Variants in TNS2 observed in about 807,000 individuals in gnomAD.
The protein encoded by TNS2 is tensin-2.
TNS2 carries 77 observed loss-of-function variants against 155.7 expected under a neutral mutation model. The observed-to-expected ratio is 0.49, with a 90% CI of 0.41 to 0.60. The LOEUF (loss-of-function observed/expected upper bound fraction) is 0.60. Ranked by LOEUF, TNS2 falls within the 20% of genes least tolerant of loss-of-function variation. The pLI is 0.00. For missense variants in TNS2, 1,703 were observed against 1,868.8 expected, an observed-to-expected ratio of 0.91 and a Z score of 1.64; for synonymous variants, 726 against 763.9, an observed-to-expected ratio of 0.95 and a Z score of 0.82.
At position 53,064,106 on chromosome 12, in the gene TNS2, G is replaced by T; in HGVS notation, c.*224G>T. Reference sequence around the variant, plus strand: ...TGACCTTGCATGTGAGCAGATGGCAGAGATGGGTGTGTGAGGGGTGAGGAG... The same window carrying T: ...TGACCTTGCATGTGAGCAGATGGCATAGATGGGTGTGTGAGGGGTGAGGAG... On this transcript the variant is annotated 3_prime_UTR_variant, in exon 29 of 29. Coordinates refer to ENST00000314250, the MANE Select transcript of TNS2 (RefSeq NM_170754.4). 1 of 562,782 alleles carries T rather than the reference G, an allele frequency of 1.8e-6. No individual in the cohort carries two copies. Among genetic ancestry groups the T allele is most frequent in the Non-Finnish European group, 3.1e-6 (1 of 320,338 alleles). 34.9% of individuals were successfully genotyped at this position (562,782 alleles called of 1,614,324 possible).
At position 53,050,916 on chromosome 12, in the gene TNS2, GGGA is replaced by G. The variant is rs897162822; in HGVS notation, c.75+663_75+665del. Among the ~76,000 whole-genome samples, 8 of 152,222 alleles carry G rather than the reference GGGA, an allele frequency of 5.3e-5. No homozygotes were observed. Among genetic ancestry groups the G allele is most frequent in the African/African-American group, 1.9e-4 (8 of 41,544 alleles). On this transcript the variant is annotated intron_variant, in intron 1 of 28. Transcript: ENST00000314250. The surrounding 1 kb of genome is among the most constrained non-coding windows in gnomAD (Gnocchi z 4.7). The stretch of plus-strand genomic sequence containing the variant: ...TGAGATACTACTGTGATGGGTCCCC[GGGA>G]GGAGGACAGCAGGAGTCTGAACTCC...
At chr12:53,048,770 A>G (rs1406459199), upstream of TNS2, among the ~76,000 whole-genome samples, 2 of 152,194 alleles carry the variant, frequency 1.3e-5, no homozygotes, top group East Asian at 3.8e-4. Flanking sequence ...TCAAGTGGGC[A>G]CCCACAGCAG....
At position 53,061,259 on chromosome 12, in the gene TNS2, C is replaced by T. The variant is rs1379524977; in HGVS notation, c.3353C>T (p.Thr1118Ile). ...CTGCTCTCAGATAATGTCCCCCAAACCCCAGGTATAAAGGCCTTGAGGGGG... is the reference window on the plus strand; with the variant it reads ...CTGCTCTCAGATAATGTCCCCCAAATCCCAGGTATAAAGGCCTTGAGGGGG... ...APLLSDNVPQ[T>I]PEPPTQESQS... Residue 1118 changes from threonine to isoleucine, a missense_variant, in exon 20 of 29, where the codon ACC (threonine) becomes ATC (isoleucine). Physicochemically the swap from Thr to Ile is moderately conservative, Grantham distance 89. Transcript: ENST00000314250. 1.9e-6 allele frequency: 3 copies of T among 1,573,020 alleles called. No individual in the cohort carries two copies. Among genetic ancestry groups the T allele is most frequent in the Non-Finnish European group, 2.6e-6 (3 of 1,159,742 alleles).
Position 53,060,578 on chromosome 12 carries a change from C to T in TNS2, c.2768+23C>T. On this transcript the variant is annotated intron_variant, in intron 19 of 28. Transcript: ENST00000314250. The surrounding 1 kb of genome is among the most constrained non-coding windows in gnomAD (Gnocchi z 6.1). ...AAGGTATGCAGAGGGGCCGGGGATG[C>T]TCGAGTGCTTTCTTGTCCAAGCAGT... is the stretch of plus-strand genomic sequence containing the variant. 1 of 1,608,122 alleles carries T rather than the reference C, an allele frequency of 6.2e-7. No individual in the cohort carries two copies. Among genetic ancestry groups the T allele is most frequent in the Non-Finnish European group, 8.5e-7 (1 of 1,176,716 alleles).
In TNS2 at chr12:53,062,135, C is replaced by T; in HGVS notation, c.3575-18C>T. ...CCTGGAATCCTAAAGCCGCAATCTT[C>T]CCCTCGCCTCCTCTCAGGGGACCCC... On this transcript the variant is annotated intron_variant, in intron 22 of 28. Transcript: ENST00000314250. 6.2e-7 allele frequency: 1 copy of T among 1,613,784 alleles called. No homozygotes were observed. Among genetic ancestry groups the T allele is most frequent in the Non-Finnish European group, 8.5e-7 (1 of 1,179,850 alleles).
chr12:53,063,522 TC>T lies in TNS2; in HGVS notation c.4062-37del, dbSNP rs141986834. On this transcript the variant is annotated intron_variant, in intron 27 of 28. Coordinates refer to ENST00000314250, the MANE Select transcript of TNS2 (RefSeq NM_170754.4). The surrounding 1 kb of genome is among the most constrained non-coding windows in gnomAD (Gnocchi z 5.6). Reference sequence around the variant, plus strand: ...GGCCCCGGCCCCCCTTCAGCAGCTGTCCCCTGGGGTGTGCATCTTCACCTTC... The same window carrying T: ...GGCCCCGGCCCCCCTTCAGCAGCTGTCCCTGGGGTGTGCATCTTCACCTTC... 3.4e-4 allele frequency: 539 copies of T among 1,597,614 alleles called. No individual in the cohort carries two copies. In the African/African-American group the frequency reaches 6.5e-3, roughly 19 times the overall value.
chr12:53,057,649 C>G lies in TNS2; in HGVS notation c.928C>G (p.Pro310Ala). 1 of 1,614,156 alleles carries G rather than the reference C, an allele frequency of 6.2e-7. No homozygotes were observed. Among genetic ancestry groups the G allele is most frequent in the Non-Finnish European group, 8.5e-7 (1 of 1,179,996 alleles). Residue 310 changes from proline to alanine, a missense_variant, in exon 12 of 29, where the codon CCC becomes GCC. By Grantham distance (27) the Pro-to-Ala change is conservative. Coordinates refer to ENST00000314250, the MANE Select transcript of TNS2 (RefSeq NM_170754.4). The part of the protein sequence containing the change: ...SPLFLHYVLI[P>A]MLPAFEPGTG... The stretch of plus-strand genomic sequence containing the variant: ...TCTCTTCCTGCACTATGTGCTCATC[C>G]CCATGCTGCCAGCCTTTGAACCTGG...
intron 21 of TNS2, 63 bp from the exon 22 acceptor site, chr12:53,061,752 C>T: frequency 4.5e-6 from 7 of 1,562,768 alleles, no homozygotes; most frequent in African/African-American, 1.4e-5. Context: ...AGGGGGGCTG[C>T]ATGGGGCTCA....
upstream of TNS2, chr12:53,049,971 A>C (rs189427367): frequency 3.9e-3 from 3,525 of 905,138 alleles, 13 homozygotes; most frequent in Non-Finnish European, 4.9e-3. Flanking sequence ...CCTCCCCCAC[A>C]TCCTCCCCCC....
Position 53,060,559 on chromosome 12 carries a change from T to C in TNS2, c.2768+4T>C, listed in dbSNP as rs1244523598. The C allele has an allele frequency of 3.1e-6, 5 of 1,612,882 alleles. No individual in the cohort carries two copies. Among genetic ancestry groups the C allele is most frequent in the African/African-American group, 1.3e-5 (1 of 74,872 alleles). ...GTCCAGTCCAGGGCAAGGAAAGGTA[T>C]GCAGAGGGGCCGGGGATGCTCGAGT... On this transcript the variant is annotated splice_donor_region_variant and intron_variant, in intron 19 of 28. Transcript: ENST00000314250. The surrounding 1 kb of genome is among the most constrained non-coding windows in gnomAD (Gnocchi z 6.1).
At chr12:53,054,829 C>T (rs550544711) in intron 7 of TNS2, among the ~76,000 whole-genome samples, 1 of 150,044 alleles carries the variant, frequency 6.7e-6, no homozygotes, top group South Asian at 2.1e-4. Flanking sequence ...GCGTCACTCA[C>T]GCCCAGCCAA....
At chr12:53,046,991 A>C, upstream of TNS2, 1 of 151,796 alleles carries the variant, frequency 6.6e-6, no homozygotes, top group Non-Finnish European at 1.5e-5. Context: ...CCTCTCAGCC[A>C]CTTCCTGTCT....
intron 3 of TNS2, among the ~76,000 whole-genome samples, chr12:53,052,834 G>A (rs1943990177): frequency 6.6e-6 from 1 of 152,052 alleles, no homozygotes; most frequent in African/African-American, 2.4e-5. Flanking sequence ...GGATTTCAGA[G>A]ACTGGGCAGC....
chr12:53,058,403 C>G lies in TNS2; in HGVS notation c.1183C>G (p.Gln395Glu). 6.2e-7 allele frequency: 1 copy of G among 1,614,196 alleles called. No homozygotes were observed. Among genetic ancestry groups the G allele is most frequent in the Non-Finnish European group, 8.5e-7 (1 of 1,180,024 alleles). ...CCACACCTGCACCATCCACGGACCA[C>G]AGCTCACTTTCCCCAAGGACCAGCT... ...QFHTCTIHGP[Q>E]LTFPKDQLDE... The change falls in exon 15 of 29, where the codon CAG becomes GAG. Residue 395 changes from glutamine (Q) to glutamate (E), a missense_variant. Transcript: ENST00000314250.
chr12:53,049,978 C>A (rs1464128845), upstream of TNS2: 12 of 1,312,322 alleles, frequency 9.1e-6, no homozygotes, highest in Non-Finnish European at 1.2e-5. Context: ...CACATCCTCC[C>A]CCCTCCACTT....
At chr12:53,053,701 T>G in intron 4 of TNS2, 73 bp from the exon 5 acceptor site, 1 of 1,583,924 alleles carries the variant, frequency 6.3e-7, no homozygotes. Context: ...CCTTCCCCTG[T>G]CCCCAAGGCC....
At position 53,055,632 on chromosome 12, in the gene TNS2, A is replaced by G; in HGVS notation, c.638A>G (p.Lys213Arg). 1 of 1,614,030 alleles carries G rather than the reference A, an allele frequency of 6.2e-7. No homozygotes were observed. The highest frequency in any genetic ancestry group is 8.5e-7 in the Non-Finnish European group (1 of 1,179,920). Residue 213 changes from lysine (K) to arginine (R), a missense_variant, in exon 9 of 29, where the codon AAA becomes AGA. By Grantham distance (26) the Lys-to-Arg change is conservative. Coordinates refer to ENST00000314250, the MANE Select transcript of TNS2 (RefSeq NM_170754.4). ...CTGGACAAGCTGTGCTCCATCTGCA[A>G]AGCCATGGAGACATGGCTCAGTGCT... ...PPLDKLCSIC[K>R]AMETWLSADP...
At position 53,054,376 on chromosome 12, in the gene TNS2, C is replaced by A. The variant is rs1181011320; in HGVS notation, c.457C>A (p.Arg153=). The A allele has an allele frequency of 1.2e-6, 2 of 1,611,996 alleles. No homozygotes were observed. The highest frequency in any genetic ancestry group is 1.7e-6 in the Non-Finnish European group (2 of 1,179,636). ...CTTCCCCGCGCGGCCCGATGAACAG[C>A]GGCACCGGGGCCACCTGCGCGAGCT... The part of the protein sequence containing the change: ...AAFPARPDEQ[R]HRGHLRELAH... Residue 153 remains arginine (R), a synonymous_variant, in exon 7 of 29, where the codon CGG becomes AGG. Transcript: ENST00000314250.
chr12:53,059,670 G>C lies in TNS2; in HGVS notation c.2029G>C (p.Val677Leu). 6.2e-7 allele frequency: 1 copy of C among 1,613,266 alleles called. No individual in the cohort carries two copies. Among genetic ancestry groups the C allele is most frequent in the Non-Finnish European group, 8.5e-7 (1 of 1,179,926 alleles). Reference protein sequence around the residue: ...GYRAPGYREVVILEDPGLPAL... With the variant: ...GYRAPGYREVLILEDPGLPAL... Reference sequence around the variant, plus strand: ...CCGCGCCCCAGGCTACCGGGAGGTGGTCATCCTGGAGGACCCTGGGCTGCC... The same window carrying C: ...CCGCGCCCCAGGCTACCGGGAGGTGCTCATCCTGGAGGACCCTGGGCTGCC... The change falls in exon 18 of 29, where the codon GTC becomes CTC. Residue 677 changes from valine to leucine, a missense_variant. Physicochemically the swap from Val to Leu is conservative, Grantham distance 32. Coordinates refer to ENST00000314250, the MANE Select transcript of TNS2 (RefSeq NM_170754.4). This position sits in a 1 kb window ranked among gnomAD's most constrained non-coding sequence, Gnocchi z 4.7.
Sources: allele counts gnomAD v4.1 joint callset (sites outside exome capture counted in the v4.1 genomes callset), GRCh38; gene constraint gnomAD v4.1.1; non-coding constraint Gnocchi (gnomAD v3.1); transcripts MANE v1.5; gene names NCBI Gene and HGNC (gene_info 2026-07-23, HGNC 2026-07-21).